Variants in CEP152 observed in about 807,000 individuals in gnomAD.
CEP152 encodes centrosomal protein of 152 kDa.
A neutral mutation model predicts 188.9 loss-of-function variants in CEP152; 132 were observed. That is an observed-to-expected ratio of 0.70 (90% CI 0.61 to 0.81). The LOEUF (loss-of-function observed/expected upper bound fraction) is 0.81, where lower values mean the gene tolerates loss of function less well. Ranked by LOEUF, CEP152 falls within the 30% of genes least tolerant of loss-of-function variation. The pLI is 0.00. For synonymous variants in CEP152, 649 were observed against 666.6 expected, an observed-to-expected ratio of 0.97 and a Z score of 0.41; for missense variants, 1,914 against 1,969.8, an observed-to-expected ratio of 0.97 and a Z score of 0.54.
intron 6 of CEP152, among the ~76,000 whole-genome samples, chr15:48,793,944 A>C (rs1897142173): frequency 6.6e-6 from 1 of 152,200 alleles, no homozygotes. Context: ...ACAGCCTCAA[A>C]ATATTTTATT....
chr15:48,803,037 G>A (rs533923599), intron 2 of CEP152, among the ~76,000 whole-genome samples: 1 of 152,284 alleles, frequency 6.6e-6, no homozygotes, highest in African/African-American at 2.4e-5. Flanking sequence ...CCCTTAGCAG[G>A]GTAGACTATG....
intron 12 of CEP152, among the ~76,000 whole-genome samples, chr15:48,773,700 T>G (rs1895709593): frequency 6.6e-6 from 1 of 152,234 alleles, no homozygotes; most frequent in South Asian, 2.1e-4. Flanking sequence ...ACCTTAGTAG[T>G]GGGGCAAAAT....
chr15:48,737,261 T>C (rs186872730), downstream of CEP152, among the ~76,000 whole-genome samples: 52 of 152,158 alleles, frequency 3.4e-4, no homozygotes, highest in African/African-American at 1.2e-3. Flanking sequence ...CCAAATACAA[T>C]CCATAATATA....
At chr15:48,791,934 G>A (rs1897018099) in intron 7 of CEP152, among the ~76,000 whole-genome samples, 1 of 151,868 alleles carries the variant, frequency 6.6e-6, no homozygotes, top group Non-Finnish European at 1.5e-5. Flanking sequence ...ATCCCTTTTG[G>A]GGACAAATCC....
At chr15:48,764,913 A>T (rs1224546592) in intron 17 of CEP152, among the ~76,000 whole-genome samples, 1 of 152,112 alleles carries the variant, frequency 6.6e-6, no homozygotes, top group East Asian at 1.9e-4. Flanking sequence ...TATGTCCTGC[A>T]TGGAAGAGCT....
At chr15:48,740,507 GGTT>G (rs1892872158) in intron 26 of CEP152, 2 of 149,862 alleles carry the variant, frequency 1.3e-5, no homozygotes. Context: ...ACGCTCTCTA[GGTT>G]TTTTTCCTCT....
intron 20 of CEP152, among the ~76,000 whole-genome samples, chr15:48,755,071 G>A (rs980982018): frequency 6.6e-6 from 1 of 150,988 alleles, no homozygotes; most frequent in African/African-American, 2.4e-5. Context: ...TAATCACCAT[G>A]CTCAGAATAT....
At chr15:48,736,024 A>C (rs1241011769), downstream of CEP152, among the ~76,000 whole-genome samples, 1 of 152,238 alleles carries the variant, frequency 6.6e-6, no homozygotes, top group South Asian at 2.1e-4. Flanking sequence ...CTGTGTCAAC[A>C]AATTAGACAA....
At chr15:48,807,667 C>G (rs948815483) in intron 1 of CEP152, among the ~76,000 whole-genome samples, 2 of 151,998 alleles carry the variant, frequency 1.3e-5, no homozygotes, top group Non-Finnish European at 2.9e-5. Context: ...GTGTCTTCTA[C>G]CTTTCTTTCA....
At chr15:48,798,340 A>T (rs1897457775) in intron 2 of CEP152, among the ~76,000 whole-genome samples, 1 of 152,158 alleles carries the variant, frequency 6.6e-6, no homozygotes, top group South Asian at 2.1e-4. Context: ...GAAACACAGC[A>T]AGTCACAATA....
intron 20 of CEP152, among the ~76,000 whole-genome samples, chr15:48,753,527 A>G (rs529170184): frequency 6.6e-6 from 1 of 152,336 alleles, no homozygotes; most frequent in South Asian, 2.1e-4. Context: ...GTCCAACAGA[A>G]GCAGAGGTTA....
chr15:48,787,170 T>TTTTTTTTTG lies in CEP152; in HGVS notation c.1173+1630_1173+1631insCAAAAAAAA, dbSNP rs1555425552. Among the ~76,000 whole-genome samples, 22 of 108,382 alleles carry TTTTTTTTTG rather than the reference T, an allele frequency of 2.0e-4. 1 individual carries two copies. The highest frequency in any genetic ancestry group is 5.5e-4 in the African/African-American group (19 of 34,456). 71.1% of individuals were successfully genotyped at this position (108,382 alleles called of 152,430 possible). A position where few individuals can be genotyped will look rare whatever the true frequency, so the allele number is the denominator to read the frequency against. On this transcript the variant is annotated intron_variant, in intron 9 of 26. Coordinates refer to ENST00000380950, the MANE Select transcript of CEP152 (RefSeq NM_001194998.2). ...TAATTTGGTATAGCCTTCGTTTTTT[T>TTTTTTTTTG]TTTTTTTTTTTTCTGGAAAAAGAGT...
chr15:48,766,924 T>C, intron 17 of CEP152, 136 bp downstream of exon 17: 1 of 1,121,452 alleles, frequency 8.9e-7, no homozygotes, highest in Admixed American at 1.7e-5. Flanking sequence ...TATATGAGTG[T>C]GATACAGCCA....
chr15:48,730,016 T>C (rs1892369480), intron 2 of CEP152, among the ~76,000 whole-genome samples: 1 of 151,512 alleles, frequency 6.6e-6, no homozygotes, highest in African/African-American at 2.4e-5. Flanking sequence ...AAAAAATTAC[T>C]ACAAAACTGA....
chr15:48,743,194 C>A (rs912709273), intron 24 of CEP152, among the ~76,000 whole-genome samples: 2 of 152,172 alleles, frequency 1.3e-5, no homozygotes, highest in Admixed American at 6.5e-5. Context: ...AACGGAGAAG[C>A]AAATTCCCTT....
At chr15:48,765,414 C>G (rs1290130038) in intron 17 of CEP152, among the ~76,000 whole-genome samples, 1 of 151,752 alleles carries the variant, frequency 6.6e-6, no homozygotes, top group Admixed American at 6.6e-5. Context: ...AATTTAACCT[C>G]TAAGTTTGGT....
intron 17 of CEP152, 24 bp from the exon 18 acceptor site, chr15:48,762,696 C>G (rs745973762): frequency 6.2e-7 from 1 of 1,609,710 alleles, no homozygotes; most frequent in Non-Finnish European, 8.5e-7. Context: ...AAAAATCATA[C>G]GAGAAGAACA....
chr15:48,769,070 ATC>A lies in CEP152; in HGVS notation c.1792_1793del (p.Asp598TyrfsTer12), dbSNP rs763301438. 6.2e-7 allele frequency: 1 copy of A among 1,607,096 alleles called. No homozygotes were observed. Among genetic ancestry groups the A allele is most frequent in the Admixed American group, 1.7e-5 (1 of 59,888 alleles). Reference protein sequence around the residue: ...EKSIEVETKTDTSEKPKNQLW... With the variant: ...EKSIEVETKTXTSEKPKNQLW... ...ATTGATTCTTTGGTTTTTCTGAGGT[ATC>A]TGTTTTAGTCTGAATATTAAAAGGT... On this transcript the variant is annotated frameshift_variant, in exon 14 of 27. Transcript: ENST00000380950. LOFTEE classifies it high-confidence loss of function.
chr15:48,738,714 A>G lies in CEP152; in HGVS notation c.4668T>C (p.Asp1556=). 2.5e-6 allele frequency: 4 copies of G among 1,614,198 alleles called. No individual in the cohort carries two copies. The highest frequency in any genetic ancestry group is 3.4e-6 in the Non-Finnish European group (4 of 1,180,026). The change falls in exon 27 of 27, where the codon GAT becomes GAC. Residue 1556 remains aspartate, a synonymous_variant. Coordinates refer to ENST00000380950, the MANE Select transcript of CEP152 (RefSeq NM_001194998.2). ...NAASEKSQGL[D]VQEPPVKDGG... ...CATCTTTTACTGGAGGTTCCTGAACATCCAAACCTTGACTTTTCTCAGATG... is the reference window on the plus strand; with the variant it reads ...CATCTTTTACTGGAGGTTCCTGAACGTCCAAACCTTGACTTTTCTCAGATG...
Sources: allele counts gnomAD v4.1 joint callset (sites outside exome capture counted in the v4.1 genomes callset), GRCh38; gene constraint gnomAD v4.1.1; transcripts MANE v1.5; gene names NCBI Gene and HGNC (gene_info 2026-07-23, HGNC 2026-07-21).